The following TSPAN10 variants were observed in gnomAD, a reference collection of about 807,000 sequenced individuals.
The protein encoded by TSPAN10 is tetraspanin 10.
In TSPAN10, 11 loss-of-function variants were observed where a neutral mutation model predicts 15.0. That is an observed-to-expected ratio of 0.73 (90% CI 0.46 to 1.21). The LOEUF (loss-of-function observed/expected upper bound fraction) is 1.21. TSPAN10 is among the 50% of genes most tolerant of loss of function. The pLI is 0.00. For missense variants in TSPAN10, 486 were observed against 470.6 expected (o/e 1.03, Z -0.30); for synonymous variants, 241 against 226.2 (o/e 1.07, Z -0.59).
At chr17:81,647,407 C>T (rs1463526635) in intron 2 of TSPAN10, 2 of 457,274 alleles carry the variant, frequency 4.4e-6, no homozygotes, top group Admixed American at 2.3e-5. Context: ...TCAACACTCC[C>T]TAGCTACCCT....
In TSPAN10 at chr17:81,642,585, G is replaced by C. The variant is rs1176953753; in HGVS notation, c.36+137G>C. The C allele has an allele frequency of 5.5e-5, 49 of 884,524 alleles. No individual in the cohort carries two copies. In the East Asian group the frequency reaches 1.1e-3, roughly 20 times the overall value. The allele number at this position is 884,524 out of a possible 1,614,324, so 54.8% of individuals were successfully genotyped here. A position where few individuals can be genotyped will look rare whatever the true frequency, so the allele number is the denominator to read the frequency against. On this transcript the variant is annotated intron_variant, in intron 1 of 2. Transcript: ENST00000611590. ...CACACCTCAATGCTGAGATTGGGTT[G>C]AGGGGGGTGGTTCTAGGCAGCCCCC...
At chr17:81,642,309 T>C (rs2036185301), upstream of TSPAN10, 1 of 1,387,148 alleles carries the variant, frequency 7.2e-7, no homozygotes, top group African/African-American at 1.4e-5. Flanking sequence ...GTTCACAGAC[T>C]AGCCCAGGGC....
chr17:81,645,162 C>T, exon 2 of TSPAN10: 1 of 1,560,110 alleles, frequency 6.4e-7, no homozygotes, highest in Non-Finnish European at 8.6e-7. Flanking sequence ...CCCCTTCCCT[C>T]TCCCCAGGGA....
chr17:81,644,230 A>C (rs1280250021), intron 1 of TSPAN10, among the ~76,000 whole-genome samples: 21 of 152,016 alleles, frequency 1.4e-4, no homozygotes, highest in African/African-American at 5.1e-4. Flanking sequence ...CTTCCCCCAC[A>C]GAGAGAGACC....
chr17:81,642,279 C>T (rs762247345), upstream of TSPAN10: 698 of 977,682 alleles, frequency 7.1e-4, no homozygotes, highest in Non-Finnish European at 1.0e-3. Flanking sequence ...CTCCCCCATT[C>T]CCATGCCCAG....
At chr17:81,643,743 G>A (rs926433386) in intron 1 of TSPAN10, among the ~76,000 whole-genome samples, 4 of 152,156 alleles carry the variant, frequency 2.6e-5, no homozygotes, top group Admixed American at 6.6e-5. Flanking sequence ...AGAGCCTGAT[G>A]CTGTGATCAG....
At chr17:81,642,721 G>A (rs753735744) in intron 1 of TSPAN10, among the ~76,000 whole-genome samples, 10 of 152,198 alleles carry the variant, frequency 6.6e-5, no homozygotes, top group Non-Finnish European at 1.5e-4. Flanking sequence ...GGGTGCAGGA[G>A]GGGGTGAAGG....
chr17:81,641,125 A>G (rs1438029491), upstream of TSPAN10, among the ~76,000 whole-genome samples: 1 of 151,878 alleles, frequency 6.6e-6, no homozygotes, highest in African/African-American at 2.4e-5. Flanking sequence ...AAATCGTGCC[A>G]CTGCATTCCA....
At chr17:81,646,688 A>AG (rs1188214712) in intron 2 of TSPAN10, 1 of 151,388 alleles carries the variant, frequency 6.6e-6, no homozygotes, top group African/African-American at 2.4e-5. Flanking sequence ...TCAAAAAAAA[A>AG]AAAGAAAAGA....
intron 2 of TSPAN10, chr17:81,645,996 G>C (rs1185957049): frequency 2.7e-6 from 1 of 374,704 alleles, no homozygotes; most frequent in Non-Finnish European, 4.9e-6. Context: ...GCCCCAATCA[G>C]CCCTGCGGCC....
intron 1 of TSPAN10, among the ~76,000 whole-genome samples, chr17:81,643,830 A>T (rs1194284228): frequency 6.6e-6 from 1 of 151,308 alleles, no homozygotes; most frequent in Non-Finnish European, 1.5e-5. Context: ...TTATTTATTT[A>T]GTTTTTGAGA....
intron 2 of TSPAN10, chr17:81,646,300 G>A (rs1029925253): frequency 6.5e-6 from 1 of 153,312 alleles, no homozygotes; most frequent in Non-Finnish European, 1.4e-5. Flanking sequence ...GCCGAGGCAG[G>A]AGAATGACTT....
At chr17:81,639,677 C>T (rs1378081076), upstream of TSPAN10, among the ~76,000 whole-genome samples, 7 of 150,966 alleles carry the variant, frequency 4.6e-5, no homozygotes, top group East Asian at 2.0e-4. Flanking sequence ...GTCATCCCAG[C>T]ACGGTGGCTC....
At chr17:81,646,002 C>T (rs540602868) in intron 2 of TSPAN10, 76 of 368,932 alleles carry the variant, frequency 2.1e-4, no homozygotes, top group Non-Finnish European at 1.6e-4. Context: ...ATCAGCCCTG[C>T]GGCCCCCAGA....
chr17:81,638,883 A>G (rs1442202130), upstream of TSPAN10: 2 of 152,202 alleles, frequency 1.3e-5, no homozygotes, highest in Non-Finnish European at 2.9e-5. Context: ...TGTAGCCTCC[A>G]GCTACATGAC....
chr17:81,647,436 C>A (rs765414695), intron 2 of TSPAN10: 1 of 460,088 alleles, frequency 2.2e-6, no homozygotes, highest in East Asian at 6.9e-5. Context: ...CTCCCCCACC[C>A]CTGCTTTCTG....
chr17:81,645,369 C>T lies in TSPAN10; in HGVS notation c.414C>T (p.Gly138=), dbSNP rs1407378908. 5 of 1,594,614 alleles carry T rather than the reference C, an allele frequency of 3.1e-6. No individual in the cohort carries two copies. In the South Asian group the frequency reaches 5.6e-5, roughly 18 times the overall value. Residue 138 remains glycine (G), a synonymous_variant, in exon 2 of 3, where the codon GGC becomes GGT. Coordinates refer to ENST00000611590, the Ensembl canonical transcript of TSPAN10. The stretch of plus-strand genomic sequence containing the variant: ...TGGTCAGCGCAGTGAGCCTGGCTGG[C>T]TACCTGGGCGCCCTCTGTGAGAACA...
intron 2 of TSPAN10, chr17:81,646,482 A>T (rs1420610912): frequency 6.6e-6 from 1 of 152,008 alleles, no homozygotes; most frequent in Non-Finnish European, 1.5e-5. Context: ...GATCAAGACC[A>T]TTCTGGCTAA....
At chr17:81,639,836 CG>C (rs1277957274), upstream of TSPAN10, among the ~76,000 whole-genome samples, 3 of 151,896 alleles carry the variant, frequency 2.0e-5, no homozygotes, top group Admixed American at 2.0e-4. Flanking sequence ...AAAAATTAGC[CG>C]GGCGTGGTGG....
Sources: gnomAD v4.1 joint callset for allele counts (sites outside exome capture counted in the v4.1 genomes callset) on GRCh38, gnomAD v4.1.1 for gene constraint, MANE v1.5 for transcripts, NCBI Gene and HGNC (gene_info 2026-07-23, HGNC 2026-07-21) for gene names.